Variants in CTDSP1 observed in about 807,000 individuals in gnomAD.
The protein encoded by CTDSP1 is carboxy-terminal domain RNA polymerase II polypeptide A small phosphatase 1.
CTDSP1 carries 15 observed loss-of-function variants against 32.5 expected under a neutral mutation model. The observed-to-expected ratio is 0.46, with a 90% CI of 0.31 to 0.71. The LOEUF is 0.71. CTDSP1 is among the 30% of genes least tolerant of loss of function. CTDSP1 has a pLI of 0.05. For synonymous variants in CTDSP1, 185 were observed against 145.4 expected (o/e 1.27, Z -1.96); for missense variants, 294 against 351.1 (o/e 0.84, Z 1.30).
At chr2:218,399,109 A>C (rs1027570145), upstream of CTDSP1, 1 of 152,208 alleles carries the variant, frequency 6.6e-6, no homozygotes, top group Admixed American at 6.5e-5. Flanking sequence ...AGGCCCCTGG[A>C]GAAGGTGGCA....
In CTDSP1 at chr2:218,401,445, G is replaced by C. The variant is rs182246567; in HGVS notation, c.68-119G>C. ...AGAAAGTCAGGAGCTGCCTTCGTGT[G>C]TCTGGATGAAGGGGCCACGGCAAGA... On this transcript the variant is annotated intron_variant, in intron 1 of 6. Coordinates refer to ENST00000273062, the MANE Select transcript of CTDSP1 (RefSeq NM_021198.3). The C allele has an allele frequency of 9.4e-4, 1,112 of 1,186,530 alleles. 1 individual carries two copies. The highest frequency in any genetic ancestry group is 1.2e-3 in the Non-Finnish European group (1,028 of 837,156). 73.5% of individuals were successfully genotyped at this position (1,186,530 alleles called of 1,614,324 possible).
upstream of CTDSP1, chr2:218,398,141 T>C (rs536807957): frequency 2.4e-5 from 12 of 507,110 alleles, no homozygotes; most frequent in South Asian, 2.6e-4. Flanking sequence ...TTTGGGGTCA[T>C]GAGGGCCCCG....
rs200241207 is a variant in CTDSP1 at position 218,402,097 on chromosome 2, C to T, written c.217-14C>T. 1.5e-5 allele frequency: 24 copies of T among 1,589,854 alleles called. No individual in the cohort carries two copies. The East Asian group carries it at 3.1e-4, about 21-fold the overall frequency. ...CGGAGAGAGGCACCCCAGCCAGCCC[C>T]GCCCTCCCTACAGCAGACCCCAGTC... On this transcript the variant is annotated splice_polypyrimidine_tract_variant and intron_variant, in intron 2 of 6. Coordinates refer to ENST00000273062, the MANE Select transcript of CTDSP1 (RefSeq NM_021198.3).
At chr2:218,398,552 A>AGGCGC (rs1696939293), upstream of CTDSP1, 11 of 1,141,300 alleles carry the variant, frequency 9.6e-6, no homozygotes, top group South Asian at 1.9e-4. Flanking sequence ...GCCTTCTGGC[A>AGGCGC]GACGCCGCTC....
chr2:218,400,953 G>A (rs1013392651), intron 1 of CTDSP1: 10 of 453,244 alleles, frequency 2.2e-5, no homozygotes, highest in East Asian at 1.4e-4. Flanking sequence ...AAGGTGGAAA[G>A]GCTAGTTGCA....
upstream of CTDSP1, among the ~76,000 whole-genome samples, chr2:218,397,311 T>A (rs894019048): frequency 5.3e-5 from 8 of 152,114 alleles, no homozygotes; most frequent in Admixed American, 5.2e-4. Flanking sequence ...CCATAGTAGC[T>A]CTGGTTCTTC....
At position 218,404,374 on chromosome 2, in the gene CTDSP1, C is replaced by T; in HGVS notation, c.735C>T (p.Ser245=). 1 of 1,614,168 alleles carries T rather than the reference C, an allele frequency of 6.2e-7. No individual in the cohort carries two copies. The highest frequency in any genetic ancestry group is 2.2e-5 in the East Asian group (1 of 44,876). The change falls in exon 7 of 7, where the codon AGC becomes AGT. Residue 245 remains serine (S), a synonymous_variant. Transcript: ENST00000273062. ...HDLLPFFEQL[S]RVDDVYSVLR... is the part of the protein sequence containing the mutation. Reference sequence around the variant, plus strand: ...TCCTCCCCTTCTTCGAGCAACTCAGCCGTGTGGACGACGTGTACTCAGTGC... The same window carrying T: ...TCCTCCCCTTCTTCGAGCAACTCAGTCGTGTGGACGACGTGTACTCAGTGC...
upstream of CTDSP1, chr2:218,399,743 C>G (rs1180615586): frequency 2.9e-6 from 3 of 1,017,974 alleles, no homozygotes; most frequent in South Asian, 4.6e-5. Context: ...CGGCCCGGCC[C>G]GCCTCCCAGT....
In CTDSP1 at chr2:218,399,979, A is replaced by ATCCC. The variant is rs1195838825; in HGVS notation, c.-103_-100dup. ...CCCCTCCCCTCCGGAGCTCGCGGGG[A>ATCCC]TCCCTCCCTCCCACCCCTCCCCTCC... On this transcript the variant is annotated 5_prime_UTR_variant, in exon 1 of 7. Transcript: ENST00000273062. The ATCCC allele has an allele frequency of 1.2e-6, 1 of 858,544 alleles. No homozygotes were observed. The highest frequency in any genetic ancestry group is 1.4e-6 in the Non-Finnish European group (1 of 710,496). The allele number at this position is 858,544 out of a possible 1,614,324, so 53.2% of individuals were successfully genotyped here. A position where few individuals can be genotyped will look rare whatever the true frequency, so the allele number is the denominator to read the frequency against.
chr2:218,397,739 G>A (rs889503639), upstream of CTDSP1, among the ~76,000 whole-genome samples: 10 of 152,210 alleles, frequency 6.6e-5, no homozygotes, highest in Middle Eastern at 6.8e-3. Context: ...CTACAGTGAG[G>A]ACACTCGAAG....
Position 218,404,379 on chromosome 2 carries a change from T to G in CTDSP1, c.740T>G (p.Val247Gly). Residue 247 changes from valine (V) to glycine (G), a missense_variant, in exon 7 of 7, where the codon GTG (valine) becomes GGG (glycine). Transcript: ENST00000273062. The part of the protein sequence containing the change: ...LLPFFEQLSR[V>G]DDVYSVLRQP... Reference sequence around the variant, plus strand: ...CCCTTCTTCGAGCAACTCAGCCGTGTGGACGACGTGTACTCAGTGCTCAGG... The same window carrying G: ...CCCTTCTTCGAGCAACTCAGCCGTGGGGACGACGTGTACTCAGTGCTCAGG... 6.2e-7 allele frequency: 1 copy of G among 1,614,186 alleles called. No homozygotes were observed. The highest frequency in any genetic ancestry group is 2.2e-5 in the East Asian group (1 of 44,874).
upstream of CTDSP1, chr2:218,399,762 C>T: frequency 9.6e-7 from 1 of 1,042,748 alleles, no homozygotes; most frequent in Non-Finnish European, 1.2e-6. Context: ...GTCCGCCTAG[C>T]CGCGCCGGTC....
At position 218,404,516 on chromosome 2, in the gene CTDSP1, T is replaced by TG. The variant is rs1697314514; in HGVS notation, c.*94dup. ...CCCAGGCCTTTGTTAGGAAAACCCA[T>TG]GGGCCGCCGCCACACTCAGTGCCAT... On this transcript the variant is annotated 3_prime_UTR_variant, in exon 7 of 7. Coordinates refer to ENST00000273062, the MANE Select transcript of CTDSP1 (RefSeq NM_021198.3). 1.3e-6 allele frequency: 2 copies of TG among 1,514,104 alleles called. No homozygotes were observed. The allele number at this position is 1,514,104 out of a possible 1,614,324, so 93.8% of individuals were successfully genotyped here. A position where few individuals can be genotyped will look rare whatever the true frequency, so the allele number is the denominator to read the frequency against.
chr2:218,402,301 T>C (rs200929399), intron 3 of CTDSP1, 48 bp from the exon 4 acceptor site: 45 of 1,612,644 alleles, frequency 2.8e-5, no homozygotes, highest in Admixed American at 1.5e-4. Flanking sequence ...CTGGACCCCA[T>C]GCCCTGGGGC....
At chr2:218,400,694 T>G (rs1381534030) in intron 1 of CTDSP1, 1 of 454,824 alleles carries the variant, frequency 2.2e-6, no homozygotes. Context: ...GCCGACCCCC[T>G]CGGAGGCACA....
In CTDSP1 at chr2:218,401,080, C is replaced by G. The variant is rs527717730; in HGVS notation, c.68-484C>G. 8.3e-4 allele frequency: 323 copies of G among 388,482 alleles called. 2 individuals carry two copies. The highest frequency in any genetic ancestry group is 5.8e-3 in the African/African-American group (285 of 48,750). 24.1% of individuals were successfully genotyped at this position (388,482 alleles called of 1,614,324 possible). A position where few individuals can be genotyped will look rare whatever the true frequency, so the allele number is the denominator to read the frequency against. ...TGGCCACTGGACACTGGCCCCAGGC[C>G]GCGGGACTGCACCCCTGCCTCTGGG... On this transcript the variant is annotated intron_variant, in intron 1 of 6. Transcript: ENST00000273062.
chr2:218,400,259 C>G (rs754114536), intron 1 of CTDSP1, 102 bp downstream of exon 1: 1 of 1,106,954 alleles, frequency 9.0e-7, no homozygotes, highest in African/African-American at 1.6e-5. Context: ...CCCGGGCGGC[C>G]GCCTTAGCTG....
chr2:218,401,162 G>C, intron 1 of CTDSP1: 1 of 363,916 alleles, frequency 2.7e-6, no homozygotes, highest in Non-Finnish European at 5.4e-6. Flanking sequence ...AGGGAGGGCA[G>C]GGGTGGACTG....
upstream of CTDSP1, among the ~76,000 whole-genome samples, chr2:218,397,625 G>T (rs1696886194): frequency 6.6e-6 from 1 of 152,160 alleles, no homozygotes; most frequent in Non-Finnish European, 1.5e-5. Context: ...TGGCCCCCAT[G>T]ATTTTATTTT....
Sources: gnomAD v4.1 joint callset for allele counts (sites outside exome capture counted in the v4.1 genomes callset) on GRCh38, gnomAD v4.1.1 for gene constraint, MANE v1.5 for transcripts, NCBI Gene and HGNC (gene_info 2026-07-23, HGNC 2026-07-21) for gene names.